Variants in HUWE1 observed in about 807,000 individuals in gnomAD.
HUWE1 encodes E3 ubiquitin-protein ligase HUWE1.
Under a neutral mutation model 299.4 loss-of-function variants are expected in HUWE1, and 18 were observed. That is an observed-to-expected ratio of 0.06 (90% CI 0.04 to 0.09). The LOEUF (loss-of-function observed/expected upper bound fraction) is 0.09. HUWE1 is among the 10% of genes least tolerant of loss of function. The probability of loss-of-function intolerance (pLI) is 1.00; values close to 1 mark genes in which losing one functional copy is unlikely to be tolerated. For synonymous variants in HUWE1, 1,317 were observed against 1,286.1 expected, an observed-to-expected ratio of 1.02 and a Z score of -0.51; for missense variants, 1,832 against 3,462.3, an observed-to-expected ratio of 0.53 and a Z score of 11.82.
chrX:53,560,038 A>G, intron 56 of HUWE1, 150 bp downstream of exon 56: 1 of 545,034 alleles, frequency 1.8e-6, no homozygotes, highest in Non-Finnish European at 3.0e-6. Context: ...TACACATGTA[A>G]TCCACAAAGA....
intron 3 of HUWE1, among the ~76,000 whole-genome samples, chrX:53,670,013 A>C (rs2069440385): frequency 8.9e-6 from 1 of 112,209 alleles, no homozygotes; most frequent in Non-Finnish European, 1.9e-5. Context: ...CAGCCCTTTA[A>C]TTTGAAAAAG....
At chrX:53,639,141 AT>A (rs1364529045) in intron 7 of HUWE1, among the ~76,000 whole-genome samples, 1 of 112,330 alleles carries the variant, frequency 8.9e-6, no homozygotes, top group Non-Finnish European at 1.9e-5. Flanking sequence ...AATATCTCCA[AT>A]ATGGTTTTAC....
rs1361976479 is a variant in HUWE1, at chrX:53,534,192, C to G, written c.12837G>C (p.Gln4279His). 2 of 1,205,873 alleles carry G rather than the reference C, an allele frequency of 1.7e-6. No individual in the cohort carries two copies. The highest frequency in any genetic ancestry group is 1.8e-5 in the African/African-American group (1 of 56,836). ...AAGAACGCAATGCTCTCCAGAACCA[C>G]TGGATCTGTAGGAAGGGACCCATGA... ...HKYQSNSIQIQWFWRALRSFD... is the reference protein window; with the variant it reads ...HKYQSNSIQIHWFWRALRSFD... Residue 4279 changes from glutamine (Q) to histidine (H), a missense_variant, in exon 83 of 84, where the codon CAG becomes CAC. Gln to His is a conservative substitution (Grantham distance 24). Transcript: ENST00000262854.
intron 2 of HUWE1, chrX:53,683,733 C>A: frequency 3.6e-6 from 1 of 278,808 alleles, no homozygotes; most frequent in East Asian, 5.2e-5. Context: ...TAACGCTGGG[C>A]ACCTCAGAGG....
intron 49 of HUWE1, among the ~76,000 whole-genome samples, chrX:53,566,133 G>GTGTGTGTA (rs782815282): frequency 3.8e-3 from 149 of 38,935 alleles, no homozygotes; most frequent in Middle Eastern, 0.018. Flanking sequence ...GTGTGTGTGT[G>GTGTGTGTA]TATATATATA....
chrX:53,682,318 T>A (rs1381669538), intron 2 of HUWE1, among the ~76,000 whole-genome samples: 1 of 112,050 alleles, frequency 8.9e-6, no homozygotes, highest in Non-Finnish European at 1.9e-5. Flanking sequence ...CAAGGTTCAA[T>A]GTGAACCCAA....
chrX:53,674,482 A>G (rs1261399417), intron 3 of HUWE1, among the ~76,000 whole-genome samples: 2 of 112,423 alleles, frequency 1.8e-5, no homozygotes, highest in African/African-American at 3.2e-5. Context: ...TCTAGCTCAA[A>G]GAAATAAATG....
chrX:53,634,399 C>A, intron 7 of HUWE1, 101 bp from the exon 8 acceptor site: 2 of 580,588 alleles, frequency 3.4e-6, no homozygotes, highest in Non-Finnish European at 6.1e-6. Context: ...CTCTCTTTCT[C>A]TCTATGTATA....
chrX:53,561,321 T>C (rs2062279110), intron 55 of HUWE1, among the ~76,000 whole-genome samples: 2 of 112,272 alleles, frequency 1.8e-5, no homozygotes, highest in African/African-American at 3.2e-5. Context: ...AGACGCATCC[T>C]GGATGAATAG....
rs200290782 is a variant in HUWE1 at position 53,549,445 on chromosome X, G to A, written c.9549C>T (p.His3183=). 121 of 1,209,198 alleles carry A rather than the reference G, an allele frequency of 1.0e-4. No homozygotes were observed. The South Asian group carries it at 1.8e-3, about 18-fold the overall frequency. ...GGACCAAGAGACAAGAAAGGGCTTC[G>A]TGGTCCAGAAGGAGCCGTCCTCGGA... ...LRLRGRLLLD[H]EALSCLLVLL... The change falls in exon 67 of 84, where the codon CAC becomes CAT. Residue 3183 remains histidine, a synonymous_variant. Transcript: ENST00000262854.
chrX:53,634,450 G>A, intron 7 of HUWE1, 152 bp from the exon 8 acceptor site: 2 of 483,461 alleles, frequency 4.1e-6, no homozygotes, highest in Non-Finnish European at 7.4e-6. Context: ...TGGCTGCTTG[G>A]AACATAATGT....
At chrX:53,558,179 C>A (rs781982273) in intron 59 of HUWE1, among the ~76,000 whole-genome samples, 1 of 111,650 alleles carries the variant, frequency 9.0e-6, no homozygotes, top group East Asian at 2.8e-4. Flanking sequence ...CATGTGAGCC[C>A]TAGAAAAAAT....
intron 7 of HUWE1, among the ~76,000 whole-genome samples, chrX:53,638,339 C>CA (rs782729081): frequency 3.3e-3 from 354 of 108,578 alleles, no homozygotes; most frequent in Middle Eastern, 0.023. Context: ...GACTCCGTCT[C>CA]AAAAAAACAA....
intron 76 of HUWE1, 42 bp downstream of exon 76, chrX:53,538,793 A>T: frequency 8.6e-7 from 1 of 1,164,424 alleles, no homozygotes; most frequent in African/African-American, 1.8e-5. Context: ...TCCTGTTTAA[A>T]ATGAAGCCTT....
chrX:53,620,646 ATC>A (rs1400001366), intron 19 of HUWE1, among the ~76,000 whole-genome samples: 3 of 111,722 alleles, frequency 2.7e-5, no homozygotes, highest in African/African-American at 6.5e-5. Flanking sequence ...TCTTAAATTG[ATC>A]TCTCTTTTGC....
At chrX:53,666,842 A>G (rs1266709604) in intron 3 of HUWE1, among the ~76,000 whole-genome samples, 2 of 111,996 alleles carry the variant, frequency 1.8e-5, no homozygotes, top group Non-Finnish European at 3.8e-5. Flanking sequence ...GTACCAGCAT[A>G]TGAACTGTCA....
intron 44 of HUWE1, 70 bp downstream of exon 44, chrX:53,576,830 G>T: frequency 9.1e-7 from 1 of 1,098,658 alleles, no homozygotes; most frequent in Non-Finnish European, 1.3e-6. Context: ...GCCATGAGTT[G>T]GCTGAAATGA....
intron 3 of HUWE1, among the ~76,000 whole-genome samples, chrX:53,659,726 G>T (rs1557044493): frequency 8.9e-6 from 1 of 111,895 alleles, no homozygotes. Context: ...TTAATCAATT[G>T]TAACAAGTGT....
chrX:53,553,665 C>G (rs944802601), intron 61 of HUWE1, among the ~76,000 whole-genome samples: 7 of 108,253 alleles, frequency 6.5e-5, no homozygotes, highest in South Asian at 4.2e-4. Context: ...CAAAAATCAG[C>G]TGGGCATGGT....
Sources: allele counts gnomAD v4.1 joint callset (sites outside exome capture counted in the v4.1 genomes callset), GRCh38; gene constraint gnomAD v4.1.1; transcripts MANE v1.5; gene names NCBI Gene and HGNC (gene_info 2026-07-23, HGNC 2026-07-21).